The following LAMA2 variants were observed in gnomAD, a reference collection of about 807,000 sequenced individuals.
LAMA2 encodes laminin subunit alpha 2.
In LAMA2, 269 loss-of-function variants were observed where a neutral mutation model predicts 364.8. The observed-to-expected ratio is 0.74, with a 90% CI of 0.67 to 0.82. The LOEUF (loss-of-function observed/expected upper bound fraction) is 0.82. LAMA2 is among the 40% of genes least tolerant of loss of function. The pLI, the probability that LAMA2 is intolerant of heterozygous loss-of-function variation, is 0.00. For missense variants in LAMA2, 3,807 were observed against 3,873.2 expected (o/e 0.98, Z 0.45); for synonymous variants, 1,379 against 1,370.6 (o/e 1.01, Z -0.14).
At chr6:129,446,692 A>G (rs145806046) in intron 45 of LAMA2, among the ~76,000 whole-genome samples, 212 of 152,172 alleles carry the variant, frequency 1.4e-3, no homozygotes, top group African/African-American at 4.9e-3. Context: ...TTTTTGAACA[A>G]CTTTGGAACT....
chr6:128,965,787 C>T (rs1031015370), intron 1 of LAMA2, among the ~76,000 whole-genome samples: 2 of 151,882 alleles, frequency 1.3e-5, no homozygotes, highest in African/African-American at 2.4e-5. Context: ...GTCAAGATGT[C>T]TCCCAATATT....
At chr6:129,289,569 A>C (rs951367960) in intron 19 of LAMA2, among the ~76,000 whole-genome samples, 5 of 151,802 alleles carry the variant, frequency 3.3e-5, no homozygotes, top group African/African-American at 1.2e-4. Flanking sequence ...TCTTCCAATA[A>C]CCCCCACCCC....
At chr6:129,142,080 T>C (rs1778153213) in intron 4 of LAMA2, among the ~76,000 whole-genome samples, 1 of 152,060 alleles carries the variant, frequency 6.6e-6, no homozygotes, top group Admixed American at 6.6e-5. Context: ...GATAATTCAT[T>C]ATGCAGATAT....
chr6:129,251,385 C>G (rs1275036265), intron 13 of LAMA2, among the ~76,000 whole-genome samples: 1 of 151,894 alleles, frequency 6.6e-6, no homozygotes, highest in East Asian at 1.9e-4. Flanking sequence ...CTACACAACC[C>G]ACATCCATCT....
intron 4 of LAMA2, among the ~76,000 whole-genome samples, chr6:129,123,167 A>G (rs776149393): frequency 2.0e-5 from 3 of 151,840 alleles, no homozygotes; most frequent in Non-Finnish European, 4.4e-5. Context: ...TTAGCCAGGC[A>G]TAGTGGTGCA....
At chr6:129,451,966 C>T (rs988553931) in intron 45 of LAMA2, among the ~76,000 whole-genome samples, 66 of 152,242 alleles carry the variant, frequency 4.3e-4, no homozygotes, top group African/African-American at 1.6e-3. Context: ...ATGAGTAGCA[C>T]AAAATGCTAG....
chr6:129,287,919 C>A lies in LAMA2; in HGVS notation c.2610C>A (p.Asn870Lys). ...GTCAGCCATGCCAATGCAATGACAACCTTGACTTCTCCATCCCTGGCAGCT... is the reference window on the plus strand; with the variant it reads ...GTCAGCCATGCCAATGCAATGACAAACTTGACTTCTCCATCCCTGGCAGCT... ...GSCQPCQCNDNLDFSIPGSCD... is the reference protein window; with the variant it reads ...GSCQPCQCNDKLDFSIPGSCD... The change falls in exon 19 of 65, where the codon AAC becomes AAA. Residue 870 changes from asparagine to lysine, a missense_variant. Asn to Lys is a moderately conservative substitution (Grantham distance 94). Transcript: ENST00000421865. 6.2e-7 allele frequency: 1 copy of A among 1,614,078 alleles called. No individual in the cohort carries two copies.
intron 42 of LAMA2, 136 bp from the exon 43 acceptor site, chr6:129,440,680 A>C: frequency 3.7e-6 from 3 of 805,836 alleles, no homozygotes; most frequent in Non-Finnish European, 6.4e-6. Flanking sequence ...CTACACCTGA[A>C]TGAGACAAAG....
intron 5 of LAMA2, 123 bp downstream of exon 5, chr6:129,144,203 A>G (rs1778297113): frequency 4.5e-6 from 3 of 664,862 alleles, no homozygotes; most frequent in African/African-American, 1.8e-5. Flanking sequence ...TTTTTATTTT[A>G]GAATTGTAGA....
intron 12 of LAMA2, among the ~76,000 whole-genome samples, chr6:129,204,448 C>T (rs925465676): frequency 1.4e-4 from 21 of 148,760 alleles, no homozygotes; most frequent in Admixed American, 6.7e-4. Flanking sequence ...TTAAGGTGGG[C>T]GCTAACGCAA....
chr6:129,128,299 A>G (rs1292035720), intron 4 of LAMA2, among the ~76,000 whole-genome samples: 2 of 152,172 alleles, frequency 1.3e-5, no homozygotes, highest in African/African-American at 4.8e-5. Flanking sequence ...TCAAAAATAA[A>G]TTGGTTGTAC....
chr6:129,147,138 A>G (rs1778506378), intron 6 of LAMA2, 90 bp downstream of exon 6: 1 of 855,144 alleles, frequency 1.2e-6, no homozygotes, highest in Non-Finnish European at 2.0e-6. Flanking sequence ...AACGCTGTAA[A>G]TGGGAGTCAG....
chr6:129,471,621 T>A (rs1209203405), intron 51 of LAMA2, among the ~76,000 whole-genome samples: 1 of 151,896 alleles, frequency 6.6e-6, no homozygotes. Context: ...GGAATGTATA[T>A]GAAAAAGTCT....
intron 1 of LAMA2, among the ~76,000 whole-genome samples, chr6:129,004,799 C>G (rs1434749573): frequency 2.0e-5 from 3 of 152,098 alleles, no homozygotes; most frequent in Non-Finnish European, 4.4e-5. Flanking sequence ...ATTATAAATA[C>G]TACTAATTAA....
intron 58 of LAMA2, among the ~76,000 whole-genome samples, chr6:129,495,619 A>C (rs1429841053): frequency 6.6e-6 from 1 of 152,192 alleles, no homozygotes. Context: ...TCCTCCAGGC[A>C]GGTCTCTCAG....
intron 2 of LAMA2, among the ~76,000 whole-genome samples, chr6:129,053,384 G>C (rs1788230560): frequency 6.6e-6 from 1 of 152,136 alleles, no homozygotes; most frequent in South Asian, 2.1e-4. Flanking sequence ...GAATTTCTCG[G>C]ATGTAAGTTG....
intron 34 of LAMA2, among the ~76,000 whole-genome samples, chr6:129,376,667 C>T (rs888519271): frequency 9.9e-5 from 15 of 152,074 alleles, no homozygotes; most frequent in Non-Finnish European, 2.1e-4. Context: ...CTTTATTTTG[C>T]CTTAAAGGTA....
chr6:129,056,078 A>C (rs1159335945), intron 2 of LAMA2, among the ~76,000 whole-genome samples: 1 of 152,194 alleles, frequency 6.6e-6, no homozygotes, highest in Non-Finnish European at 1.5e-5. Context: ...CAATTACCTA[A>C]GAGCCATGAA....
intron 3 of LAMA2, among the ~76,000 whole-genome samples, chr6:129,067,468 T>C (rs1042268414): frequency 5.0e-4 from 76 of 152,354 alleles, no homozygotes; most frequent in Admixed American, 1.9e-3. Flanking sequence ...TTCATCCTAA[T>C]TGGTTTCCGT....
Sources: gnomAD v4.1 joint callset for allele counts (sites outside exome capture counted in the v4.1 genomes callset) on GRCh38, gnomAD v4.1.1 for gene constraint, MANE v1.5 for transcripts, NCBI Gene and HGNC (gene_info 2026-07-23, HGNC 2026-07-21) for gene names.